LARS1: variants seen among roughly 807,000 people sequenced by gnomAD.
LARS1 encodes the protein leucyl-tRNA synthetase 1, also known as leucine--tRNA ligase, cytoplasmic.
A neutral mutation model predicts 162.8 loss-of-function variants in LARS1; 100 were observed. That is an observed-to-expected ratio of 0.61 (90% CI 0.52 to 0.73). The LOEUF (loss-of-function observed/expected upper bound fraction) is 0.73. Ranked by LOEUF, LARS1 falls within the 30% of genes least tolerant of loss-of-function variation. The probability of loss-of-function intolerance (pLI) is 0.00; values close to 1 mark genes in which losing one functional copy is unlikely to be tolerated. For synonymous variants in LARS1, 457 were observed against 462.8 expected, an observed-to-expected ratio of 0.99 and a Z score of 0.16; for missense variants, 1,258 against 1,408.9, an observed-to-expected ratio of 0.89 and a Z score of 1.71.
intron 2 of LARS1, 51 bp from the exon 3 acceptor site, chr5:146,172,825 T>C: frequency 1.0e-6 from 1 of 982,202 alleles, no homozygotes; most frequent in Non-Finnish European, 1.5e-6. Context: ...AATGTTAAGT[T>C]CCTTTTACAA....
Position 146,144,619 on chromosome 5 carries a change from C to CT in LARS1, c.1589+4dup, listed in dbSNP as rs769911877. The CT allele has an allele frequency of 1.2e-6, 2 of 1,613,936 alleles. No individual in the cohort carries two copies. The highest frequency in any genetic ancestry group is 2.7e-5 in the African/African-American group (2 of 74,976). On this transcript the variant is annotated splice_donor_region_variant and intron_variant, in intron 16 of 31. Coordinates refer to ENST00000394434, the MANE Select transcript of LARS1 (RefSeq NM_020117.11). ...AGGGGAATTTTCTTGCTATAAGAGA[C>CT]TAACCACTGGTCACACAGAGCCACA...
intron 20 of LARS1, among the ~76,000 whole-genome samples, chr5:146,141,237 G>T (rs1752764850): frequency 6.6e-6 from 1 of 152,086 alleles, no homozygotes; most frequent in Admixed American, 6.6e-5. Context: ...GGGTAGCTTT[G>T]GATTATGATT....
At chr5:146,182,434 A>G in intron 1 of LARS1, 54 bp downstream of exon 1, 1 of 1,612,092 alleles carries the variant, frequency 6.2e-7, no homozygotes, top group Non-Finnish European at 8.5e-7. Context: ...GAGCCCCTAG[A>G]GACTGGCCAG....
chr5:146,114,299 A>T lies in LARS1; in HGVS notation c.3338T>A (p.Val1113Glu). Reference sequence around the variant, plus strand: ...TGGATCATCAAATCTCATCAGTTTCACTTTGGAAAGGTCTACAACAAAATA... The same window carrying T: ...TGGATCATCAAATCTCATCAGTTTCTCTTTGGAAAGGTCTACAACAAAATA... ...MNRGIKDLSKVKLMRFDDPLL... is the reference protein window; with the variant it reads ...MNRGIKDLSKEKLMRFDDPLL... Residue 1113 changes from valine (V) to glutamate (E), a missense_variant, in exon 32 of 32, where the codon GTG becomes GAG. Coordinates refer to ENST00000394434, the MANE Select transcript of LARS1 (RefSeq NM_020117.11). 6.2e-7 allele frequency: 1 copy of T among 1,613,852 alleles called. No individual in the cohort carries two copies. The highest frequency in any genetic ancestry group is 8.5e-7 in the Non-Finnish European group (1 of 1,179,854).
chr5:146,161,224 G>C (rs942393393), intron 6 of LARS1, among the ~76,000 whole-genome samples: 2 of 152,192 alleles, frequency 1.3e-5, no homozygotes, highest in Non-Finnish European at 2.9e-5. Flanking sequence ...CTTCAGTTGA[G>C]TTGTAATCTT....
At chr5:146,152,081 A>G (rs992677518) in intron 13 of LARS1, 79 bp from the exon 14 acceptor site, 21 of 1,467,862 alleles carry the variant, frequency 1.4e-5, no homozygotes, top group Non-Finnish European at 1.8e-5. Context: ...TTTTGCCTCT[A>G]ATGTCCAATT....
rs1348320277 is a variant in LARS1 at position 146,178,633 on chromosome 5, T to A, written c.7-968A>T. On this transcript the variant is annotated intron_variant, in intron 1 of 31. Coordinates refer to ENST00000394434, the MANE Select transcript of LARS1 (RefSeq NM_020117.11). ...CCATCCCCCACCAAAAAAAAAAAAA[T>A]ACCTGGACTCTTTTCAAGTTTCCAT... is the stretch of plus-strand genomic sequence containing the variant. Among the ~76,000 whole-genome samples the A allele has an allele frequency of 2.1e-5, 3 of 145,920 alleles. No individual in the cohort carries two copies. The East Asian group carries it at 6.0e-4, about 29-fold the overall frequency.
intron 21 of LARS1, chr5:146,137,888 G>A (rs1266987077): frequency 5.3e-6 from 1 of 187,410 alleles, no homozygotes; most frequent in Non-Finnish European, 1.1e-5. Flanking sequence ...CACTCTGGGA[G>A]GCTGAGGTGG....
At chr5:146,143,145 T>C in intron 19 of LARS1, 61 bp from the exon 20 acceptor site, 1 of 971,712 alleles carries the variant, frequency 1.0e-6, no homozygotes, top group East Asian at 2.9e-5. Context: ...TTTGGAAGAA[T>C]CAGTACCTGA....
chr5:146,135,686 C>A, intron 21 of LARS1, 22 bp from the exon 22 acceptor site: 1 of 1,550,328 alleles, frequency 6.5e-7, no homozygotes, highest in Non-Finnish European at 8.8e-7. Flanking sequence ...AGTCAGTGAT[C>A]AATCATTAAT....
chr5:146,176,706 G>A (rs1189915398), intron 2 of LARS1, among the ~76,000 whole-genome samples: 1 of 151,822 alleles, frequency 6.6e-6, no homozygotes, highest in Non-Finnish European at 1.5e-5. Context: ...TTTTGTTTTT[G>A]TTTTTCCCAA....
At position 146,116,701 on chromosome 5, in the gene LARS1, T is replaced by C. The variant is rs1315175345; in HGVS notation, c.3326-2390A>G. ...AGAAATGAAGGCTTTCACTTCCAAG[T>C]TGTTAGTTCACATATGGCATGGGTT... On this transcript the variant is annotated intron_variant, in intron 31 of 31. Transcript: ENST00000394434. Among the ~76,000 whole-genome samples, 6 of 152,304 alleles carry C rather than the reference T, an allele frequency of 3.9e-5. No homozygotes were observed. In the East Asian group the frequency reaches 9.6e-4, roughly 24 times the overall value.
intron 14 of LARS1, among the ~76,000 whole-genome samples, chr5:146,151,363 T>C (rs539242537): frequency 6.6e-6 from 1 of 152,344 alleles, no homozygotes; most frequent in South Asian, 2.1e-4. Context: ...TTCTCTAGCC[T>C]AGCCTTCTTT....
rs544711340 is a variant in LARS1 at position 146,113,854 on chromosome 5, C to T, written c.*252G>A. ...AAAACCAGAAACTTCTAGGAAATAG[C>T]AACAATTTGTTTTTTAAAAAGAGTT... On this transcript the variant is annotated 3_prime_UTR_variant, in exon 32 of 32. Transcript: ENST00000394434. 1 of 447,750 alleles carries T rather than the reference C, an allele frequency of 2.2e-6. No homozygotes were observed. Among genetic ancestry groups the T allele is most frequent in the Non-Finnish European group, 4.0e-6 (1 of 249,836 alleles). 27.7% of individuals were successfully genotyped at this position (447,750 alleles called of 1,614,324 possible).
intron 22 of LARS1, among the ~76,000 whole-genome samples, chr5:146,134,917 C>T (rs1752440547): frequency 6.6e-6 from 1 of 152,172 alleles, no homozygotes; most frequent in African/African-American, 2.4e-5. Flanking sequence ...CCACTGTACT[C>T]CAGCCTGGGT....
chr5:146,158,730 A>C (rs1267903500), intron 8 of LARS1, among the ~76,000 whole-genome samples: 2 of 152,174 alleles, frequency 1.3e-5, no homozygotes, highest in Non-Finnish European at 2.9e-5. Context: ...CTTTCTTTTT[A>C]GAGCTGTTTA....
chr5:146,129,141 A>G, intron 25 of LARS1, 23 bp from the exon 26 acceptor site: 10 of 1,557,714 alleles, frequency 6.4e-6, no homozygotes, highest in Non-Finnish European at 8.7e-6. Context: ...GAAAAACAAA[A>G]AAACCTTCAG....
intron 2 of LARS1, among the ~76,000 whole-genome samples, chr5:146,175,045 C>A (rs951336826): frequency 6.6e-6 from 1 of 151,968 alleles, no homozygotes; most frequent in African/African-American, 2.4e-5. Context: ...ATAACAAGAC[C>A]CCATTTCTAC....
At chr5:146,142,091 C>T (rs34049009) in intron 20 of LARS1, among the ~76,000 whole-genome samples, 33,857 of 151,988 alleles carry the variant, frequency 0.22, 4,829 homozygotes, top group Admixed American at 0.34. Context: ...ACCCAGGAGG[C>T]GGAGGTTGCA....
Sources: gnomAD v4.1 joint callset for allele counts (sites outside exome capture counted in the v4.1 genomes callset) on GRCh38, gnomAD v4.1.1 for gene constraint, MANE v1.5 for transcripts, NCBI Gene and HGNC (gene_info 2026-07-23, HGNC 2026-07-21) for gene names.